RANBP3: variants seen among roughly 807,000 people sequenced by gnomAD.
The protein encoded by RANBP3 is ran-binding protein 3.
Under a neutral mutation model 77.3 loss-of-function variants are expected in RANBP3, and 14 were observed. The ratio of observed to expected loss-of-function variants is 0.18; its 90% CI spans 0.12 to 0.28. The LOEUF is 0.28. Among genes scored for constraint, RANBP3 ranks in the 10% least tolerant of loss-of-function variants. The pLI is 1.00. For missense variants in RANBP3, 586 were observed against 752.3 expected (o/e 0.78, Z 2.59); for synonymous variants, 315 against 312.4 (o/e 1.01, Z -0.09).
At position 5,921,455 on chromosome 19, in the gene RANBP3, T is replaced by C. The variant is rs1439049098; in HGVS notation, c.1210-134A>G. On this transcript the variant is annotated intron_variant, in intron 13 of 16. Coordinates refer to ENST00000340578, the MANE Select transcript of RANBP3 (RefSeq NM_007322.3). This position sits in a 1 kb window ranked among gnomAD's most constrained non-coding sequence, Gnocchi z 5.3. ...ACGGCCTGGGGGCCACCTTGGTCAGTTTTTTGTCCTGCCCTCAAGCTAGAA... is the reference window on the plus strand; with the variant it reads ...ACGGCCTGGGGGCCACCTTGGTCAGCTTTTTGTCCTGCCCTCAAGCTAGAA... 1 of 1,076,224 alleles carries C rather than the reference T, an allele frequency of 9.3e-7. No homozygotes were observed. Among genetic ancestry groups the C allele is most frequent in the Non-Finnish European group, 1.3e-6 (1 of 752,450 alleles). The allele number at this position is 1,076,224 out of a possible 1,614,324, so 66.7% of individuals were successfully genotyped here. A position where few individuals can be genotyped will look rare whatever the true frequency, so the allele number is the denominator to read the frequency against.
intron 1 of RANBP3, among the ~76,000 whole-genome samples, chr19:5,974,889 G>A (rs1490896880): frequency 2.0e-5 from 3 of 152,180 alleles, no homozygotes; most frequent in Admixed American, 1.3e-4. Flanking sequence ...GTGGACAGCC[G>A]CTGCTCAGCC....
intron 3 of RANBP3, among the ~76,000 whole-genome samples, chr19:5,944,531 C>T (rs2058179328): frequency 6.6e-6 from 1 of 152,264 alleles, no homozygotes; most frequent in African/African-American, 2.4e-5. Flanking sequence ...GGGGCAGCTA[C>T]TGCCCTCGAC....
intron 1 of RANBP3, among the ~76,000 whole-genome samples, chr19:5,960,651 T>C (rs2058388420): frequency 6.6e-6 from 1 of 152,106 alleles, no homozygotes; most frequent in Admixed American, 6.5e-5. Context: ...GGTGCCAGGC[T>C]AGTAAGGAAG....
intron 3 of RANBP3, 45 bp from the exon 4 acceptor site, chr19:5,941,880 A>G (rs1244263621): frequency 6.2e-7 from 1 of 1,610,330 alleles, no homozygotes; most frequent in South Asian, 1.1e-5. Flanking sequence ...CATCAGGCTC[A>G]CGGCAGCCGA....
intron 1 of RANBP3, among the ~76,000 whole-genome samples, chr19:5,963,054 C>T (rs2058423425): frequency 6.6e-6 from 1 of 152,212 alleles, no homozygotes; most frequent in Non-Finnish European, 1.5e-5. Context: ...AAGATCACCA[C>T]TGCAGATTTC....
At chr19:5,949,141 A>T (rs576634050) in intron 3 of RANBP3, among the ~76,000 whole-genome samples, 1 of 152,274 alleles carries the variant, frequency 6.6e-6, no homozygotes, top group African/African-American at 2.4e-5. Flanking sequence ...AACAGACTAG[A>T]TGTGACGGAT....
chr19:5,941,843 A>G lies in RANBP3; in HGVS notation c.283-8T>C. 6.8e-6 allele frequency: 11 copies of G among 1,612,096 alleles called. No homozygotes were observed. The highest frequency in any genetic ancestry group is 9.3e-6 in the Non-Finnish European group (11 of 1,179,984). On this transcript the variant is annotated splice_region_variant and splice_polypyrimidine_tract_variant and intron_variant, in intron 3 of 16. Coordinates refer to ENST00000340578, the MANE Select transcript of RANBP3 (RefSeq NM_007322.3). Reference sequence around the variant, plus strand: ...GGAGCCGCCAGCTGACCTCTGAAACAAGGAGCACACAGCCGGGGTCAGAGG... The same window carrying G: ...GGAGCCGCCAGCTGACCTCTGAAACGAGGAGCACACAGCCGGGGTCAGAGG...
intron 10 of RANBP3, chr19:5,925,273 G>T: frequency 2.1e-6 from 1 of 468,952 alleles, no homozygotes; most frequent in Non-Finnish European, 3.9e-6. Context: ...TGCCCCAGGT[G>T]CCCAAACCCA....
intron 13 of RANBP3, 75 bp downstream of exon 13, chr19:5,923,119 T>G (rs1599721149): frequency 2.5e-6 from 3 of 1,190,976 alleles, no homozygotes; most frequent in Non-Finnish European, 3.7e-6. Flanking sequence ...TCAGAGGATG[T>G]GGGCCCAGCC....
intron 9 of RANBP3, among the ~76,000 whole-genome samples, chr19:5,925,952 C>G (rs1173975404): frequency 6.6e-6 from 1 of 152,166 alleles, no homozygotes; most frequent in Non-Finnish European, 1.5e-5. Context: ...GGAAAGAGAG[C>G]TCATGAAGCT....
intron 5 of RANBP3, among the ~76,000 whole-genome samples, chr19:5,936,903 C>T (rs1302321034): frequency 1.3e-5 from 2 of 151,592 alleles, no homozygotes; most frequent in Non-Finnish European, 2.9e-5. Flanking sequence ...AGGGATGGTG[C>T]TCAGAGTATC....
chr19:5,928,598 G>GTGTA (rs1006349092), intron 8 of RANBP3, among the ~76,000 whole-genome samples: 82 of 152,032 alleles, frequency 5.4e-4, no homozygotes, highest in African/African-American at 2.0e-3. Context: ...GTGTGTGTGT[G>GTGTA]TGTATGTGTG....
At chr19:5,949,572 GGA>G (rs1243166152) in intron 3 of RANBP3, among the ~76,000 whole-genome samples, 1 of 152,196 alleles carries the variant, frequency 6.6e-6, no homozygotes, top group Non-Finnish European at 1.5e-5. Flanking sequence ...GAGCTACATT[GGA>G]ACATTTACAT....
chr19:5,970,903 A>G (rs1240779820), intron 1 of RANBP3, among the ~76,000 whole-genome samples: 1 of 152,260 alleles, frequency 6.6e-6, no homozygotes, highest in Admixed American at 6.5e-5. Context: ...CAAACCAAGG[A>G]CAGCCAATCC....
intron 10 of RANBP3, 120 bp from the exon 11 acceptor site, chr19:5,925,025 G>T: frequency 1.1e-6 from 1 of 872,924 alleles, no homozygotes; most frequent in Non-Finnish European, 1.9e-6. Context: ...CTCCGCCACT[G>T]TGCACGGGGT....
intron 9 of RANBP3, among the ~76,000 whole-genome samples, chr19:5,927,253 G>A (rs1015529992): frequency 4.6e-5 from 7 of 152,114 alleles, no homozygotes; most frequent in Non-Finnish European, 1.0e-4. Context: ...TCCAACCACT[G>A]CCATCCCTTC....
rs991782084 is a variant in RANBP3, at chr19:5,952,624, G to A, written c.79-1028C>T. On this transcript the variant is annotated intron_variant, in intron 2 of 16. Coordinates refer to ENST00000340578, the MANE Select transcript of RANBP3 (RefSeq NM_007322.3). This position sits in a 1 kb window ranked among gnomAD's most constrained non-coding sequence, Gnocchi z 4.1. ...GACTACAGGGCTGCCCCGTCTCCCCGTGGACGTGGCTGTGCTTCTTCTTGG... is the reference window on the plus strand; with the variant it reads ...GACTACAGGGCTGCCCCGTCTCCCCATGGACGTGGCTGTGCTTCTTCTTGG... Among the ~76,000 whole-genome samples the A allele has an allele frequency of 6.6e-6, 1 of 152,194 alleles. No individual in the cohort carries two copies. Among genetic ancestry groups the A allele is most frequent in the Non-Finnish European group, 1.5e-5 (1 of 68,038 alleles).
At chr19:5,969,329 C>G (rs1484561401) in intron 1 of RANBP3, among the ~76,000 whole-genome samples, 1 of 152,222 alleles carries the variant, frequency 6.6e-6, no homozygotes, top group Non-Finnish European at 1.5e-5. Flanking sequence ...AAGGCAAGTT[C>G]TCAAGGACCG....
At chr19:5,955,438 C>G (rs2058324626) in intron 2 of RANBP3, among the ~76,000 whole-genome samples, 1 of 152,156 alleles carries the variant, frequency 6.6e-6, no homozygotes, top group South Asian at 2.1e-4. Context: ...CCTGGCTAGC[C>G]TTCTGGTTCA....
Sources: gnomAD v4.1 joint callset for allele counts (sites outside exome capture counted in the v4.1 genomes callset) on GRCh38, gnomAD v4.1.1 for gene constraint, Gnocchi (gnomAD v3.1) non-coding constraint, MANE v1.5 for transcripts, NCBI Gene and HGNC (gene_info 2026-07-23, HGNC 2026-07-21) for gene names.